KCNK13: variants seen among roughly 807,000 people sequenced by gnomAD.
KCNK13 encodes the protein potassium two pore domain channel subfamily K member 13, also known as potassium channel subfamily K member 13.
Under a neutral mutation model 23.4 loss-of-function variants are expected in KCNK13, and 12 were observed. The ratio of observed to expected loss-of-function variants is 0.51; its 90% CI spans 0.33 to 0.83. The LOEUF is 0.83. Ranked by LOEUF, KCNK13 falls within the 40% of genes least tolerant of loss-of-function variation. The pLI is 0.02. For missense variants in KCNK13, 463 were observed against 556.3 expected (o/e 0.83, Z 1.69); for synonymous variants, 231 against 229.5 (o/e 1.01, Z -0.06).
rs535054814 is a variant in KCNK13 at position 90,135,640 on chromosome 14, G to C, written c.335-48471G>C. ...TGGCAGGATGTGGCTCCCACATCAGGGTTGGGCATGAGAAGTGTCTGGCCT... is the reference window on the plus strand; with the variant it reads ...TGGCAGGATGTGGCTCCCACATCAGCGTTGGGCATGAGAAGTGTCTGGCCT... On this transcript the variant is annotated intron_variant, in intron 1 of 1. Coordinates refer to ENST00000282146, the MANE Select transcript of KCNK13 (RefSeq NM_022054.4). 3.9e-5 allele frequency among the ~76,000 whole-genome samples: 6 copies of C among 152,282 alleles called. No individual in the cohort carries two copies. The South Asian group carries it at 1.0e-3, about 26-fold the overall frequency.
intron 1 of KCNK13, among the ~76,000 whole-genome samples, chr14:90,104,627 G>A (rs563591068): frequency 3.8e-4 from 57 of 151,718 alleles, no homozygotes; most frequent in African/African-American, 1.3e-3. Flanking sequence ...TGTGCATTCT[G>A]TTTCTTTCCT....
At position 90,171,836 on chromosome 14, in the gene KCNK13, A is replaced by G. The variant is rs115891594; in HGVS notation, c.335-12275A>G. Among the ~76,000 whole-genome samples, 967 of 152,300 alleles carry G rather than the reference A, an allele frequency of 6.3e-3. 7 individuals carry two copies. The highest frequency in any genetic ancestry group is 0.022 in the African/African-American group (933 of 41,552). ...GCAGGTTTGACCTGAGCAGTTCCCA[A>G]CTTGACTTTTCCCTTTAGCTTAGTG... On this transcript the variant is annotated intron_variant, in intron 1 of 1. Transcript: ENST00000282146.
chr14:90,063,348 T>A (rs906562876), intron 1 of KCNK13, among the ~76,000 whole-genome samples: 1 of 152,154 alleles, frequency 6.6e-6, no homozygotes, highest in African/African-American at 2.4e-5. Flanking sequence ...GAGAATTTTT[T>A]AGCAAAGATG....
chr14:90,130,312 G>A (rs1332578510), intron 1 of KCNK13, among the ~76,000 whole-genome samples: 1 of 151,746 alleles, frequency 6.6e-6, no homozygotes, highest in Non-Finnish European at 1.5e-5. Context: ...CGATTCTCCT[G>A]CCTCAGCCTC....
At chr14:90,162,709 G>A (rs1890264486) in intron 1 of KCNK13, among the ~76,000 whole-genome samples, 2 of 152,094 alleles carry the variant, frequency 1.3e-5, no homozygotes, top group Non-Finnish European at 2.9e-5. Flanking sequence ...ATATTCCTAG[G>A]GTAAGGAAGG....
intron 1 of KCNK13, among the ~76,000 whole-genome samples, chr14:90,153,333 T>G (rs932713629): frequency 1.3e-5 from 2 of 152,228 alleles, no homozygotes; most frequent in South Asian, 4.1e-4. Context: ...TCTTCCTAGC[T>G]GTGTGACCAT....
At chr14:90,092,794 T>C (rs1164594803) in intron 1 of KCNK13, among the ~76,000 whole-genome samples, 1 of 150,506 alleles carries the variant, frequency 6.6e-6, no homozygotes, top group African/African-American at 2.4e-5. Context: ...ATGCCTGTAA[T>C]CCCTCTACTC....
intron 1 of KCNK13, among the ~76,000 whole-genome samples, chr14:90,090,989 C>T (rs1889338125): frequency 1.3e-5 from 2 of 152,152 alleles, no homozygotes; most frequent in South Asian, 4.1e-4. Context: ...ATACAGGGAG[C>T]TCAGTGCTTC....
intron 1 of KCNK13, among the ~76,000 whole-genome samples, chr14:90,130,196 A>ATTTATTTG (rs1371114951): frequency 6.7e-6 from 1 of 150,074 alleles, no homozygotes; most frequent in Non-Finnish European, 1.5e-5. Flanking sequence ...TTATTTATTT[A>ATTTATTTG]TTTATTTATT....
chr14:90,143,030 T>G (rs1890027891), intron 1 of KCNK13, among the ~76,000 whole-genome samples: 1 of 152,174 alleles, frequency 6.6e-6, no homozygotes, highest in Admixed American at 6.5e-5. Flanking sequence ...TGCCAATTGC[T>G]GGGCTGATGA....
chr14:90,129,320 T>G (rs148270889), intron 1 of KCNK13, among the ~76,000 whole-genome samples: 165 of 152,304 alleles, frequency 1.1e-3, no homozygotes, highest in African/African-American at 3.8e-3. Context: ...GTGAACACTC[T>G]TGGCAGATGT....
chr14:90,179,324 C>CT (rs35775360), intron 1 of KCNK13, among the ~76,000 whole-genome samples: 37,336 of 147,124 alleles, frequency 0.25, 5,920 homozygotes, highest in East Asian at 0.65. Flanking sequence ...AAAGCTTTTA[C>CT]TTTTTTTTTT....
At chr14:90,149,935 G>A (rs1365712959) in intron 1 of KCNK13, among the ~76,000 whole-genome samples, 2 of 151,998 alleles carry the variant, frequency 1.3e-5, no homozygotes, top group Non-Finnish European at 2.9e-5. Context: ...ACATAACAGC[G>A]ATCAAGTAAT....
intron 1 of KCNK13, among the ~76,000 whole-genome samples, chr14:90,176,749 C>T (rs72699135): frequency 0.1 from 15,663 of 152,170 alleles, 845 homozygotes; most frequent in East Asian, 0.17. Flanking sequence ...AGGCCTGGCT[C>T]AGTGGCTCAT....
intron 1 of KCNK13, among the ~76,000 whole-genome samples, chr14:90,080,963 A>G (rs1463209455): frequency 1.3e-5 from 2 of 152,200 alleles, no homozygotes; most frequent in Non-Finnish European, 2.9e-5. Flanking sequence ...TGTGACAACC[A>G]AAACTCTCCA....
chr14:90,129,367 A>G (rs1349607446), intron 1 of KCNK13, among the ~76,000 whole-genome samples: 4 of 152,066 alleles, frequency 2.6e-5, no homozygotes, highest in Non-Finnish European at 1.5e-5. Context: ...CCCTGGTGCA[A>G]TTGTTCACAA....
Position 90,072,459 on chromosome 14 carries a change from G to A in KCNK13, c.334+9920G>A, listed in dbSNP as rs539699600. ...CTCACTTTGAAACAGCATTGTGCTG[G>A]CCAGACGGGTCTGATGGGTGGAGTC... On this transcript the variant is annotated intron_variant, in intron 1 of 1. Coordinates refer to ENST00000282146, the MANE Select transcript of KCNK13 (RefSeq NM_022054.4). 5.9e-5 allele frequency among the ~76,000 whole-genome samples: 9 copies of A among 152,290 alleles called. No individual in the cohort carries two copies. In the East Asian group the frequency reaches 1.5e-3, roughly 26 times the overall value.
intron 1 of KCNK13, among the ~76,000 whole-genome samples, chr14:90,113,362 C>T (rs999727773): frequency 1.8e-4 from 27 of 151,988 alleles, no homozygotes; most frequent in Non-Finnish European, 2.9e-4. Context: ...AAAATTCGGA[C>T]GAAAATATAT....
At chr14:90,085,370 A>G (rs1889259547) in intron 1 of KCNK13, among the ~76,000 whole-genome samples, 1 of 151,928 alleles carries the variant, frequency 6.6e-6, no homozygotes, top group Non-Finnish European at 1.5e-5. Flanking sequence ...AGTATTCAAA[A>G]GAAATAGGCC....
Sources: allele counts gnomAD v4.1 joint callset (sites outside exome capture counted in the v4.1 genomes callset), GRCh38; gene constraint gnomAD v4.1.1; transcripts MANE v1.5; gene names NCBI Gene and HGNC (gene_info 2026-07-23, HGNC 2026-07-21).